MGAM2: variants seen among roughly 807,000 people sequenced by gnomAD.
MGAM2 encodes maltase-glucoamylase 2 (putative).
In MGAM2, 98 loss-of-function variants were observed where a neutral mutation model predicts 96.1. That is an observed-to-expected ratio of 1.02 (90% CI 0.87 to 1.21). MGAM2 has a LOEUF of 1.21. MGAM2 is among the 50% of genes most tolerant of loss of function. The pLI is 0.00. For missense variants in MGAM2, 2,055 were observed against 1,182.4 expected (o/e 1.74, Z -10.82); for synonymous variants, 749 against 414.8 (o/e 1.81, Z -9.79).
At chr7:142,143,556 G>A (rs955007959) in intron 12 of MGAM2, among the ~76,000 whole-genome samples, 5 of 152,088 alleles carry the variant, frequency 3.3e-5, no homozygotes, top group African/African-American at 1.2e-4. Context: ...GACTTATGGT[G>A]GCTTTTCATT....
intron 37 of MGAM2, among the ~76,000 whole-genome samples, chr7:142,193,283 G>T (rs1796929532): frequency 6.6e-6 from 1 of 152,134 alleles, no homozygotes; most frequent in South Asian, 2.1e-4. Context: ...AACCTGCTCA[G>T]ATTACTCCAT....
At chr7:142,137,284 A>G (rs935078671) in intron 8 of MGAM2, 149 bp from the exon 9 acceptor site, 4 of 451,608 alleles carry the variant, frequency 8.9e-6, no homozygotes, top group African/African-American at 8.1e-5. Context: ...ATAAACTCCA[A>G]CAACGATCCT....
intron 46 of MGAM2, among the ~76,000 whole-genome samples, chr7:142,210,579 C>T (rs556166328): frequency 4.6e-5 from 7 of 152,156 alleles, no homozygotes; most frequent in African/African-American, 1.4e-4. Flanking sequence ...CCAGGAAGTT[C>T]GAACTGGGCA....
At position 142,172,110 on chromosome 7, in the gene MGAM2, T is replaced by A. The variant is rs752360688; in HGVS notation, c.3364T>A (p.Ser1122Thr). The change falls in exon 29 of 48, where the codon TCC becomes ACC. Residue 1122 changes from serine (S) to threonine (T), a missense_variant. By Grantham distance (58) the Ser-to-Thr change is moderately conservative. Coordinates refer to ENST00000477922, the MANE Select transcript of MGAM2 (RefSeq NM_001293626.2). ...HDEPPAYKKNSYGVHPYYMAL... is the reference protein window; with the variant it reads ...HDEPPAYKKNTYGVHPYYMAL... ...TCGTGACTCCCAGTACAAGAAGAATTCCTATGGTGTCCACCCTTACTACAT... is the reference window on the plus strand; with the variant it reads ...TCGTGACTCCCAGTACAAGAAGAATACCTATGGTGTCCACCCTTACTACAT... The A allele has an allele frequency of 3.6e-5, 26 of 731,282 alleles. No individual in the cohort carries two copies. The highest frequency in any genetic ancestry group is 5.0e-6 in the Non-Finnish European group (2 of 399,160). The allele number at this position is 731,282 out of a possible 1,614,324, so 45.3% of individuals were successfully genotyped here.
At chr7:142,174,715 C>CTCTCTTTTTTT (rs1194981898) in intron 31 of MGAM2, among the ~76,000 whole-genome samples, 3 of 85,460 alleles carry the variant, frequency 3.5e-5, no homozygotes, top group African/African-American at 1.7e-4. Flanking sequence ...CTCTCTCTCT[C>CTCTCTTTTTTT]TTTTTTTTTT....
intron 15 of MGAM2, among the ~76,000 whole-genome samples, chr7:142,150,997 T>C (rs564135240): frequency 5.3e-5 from 8 of 152,232 alleles, no homozygotes; most frequent in African/African-American, 1.9e-4. Context: ...CTGGGAACTT[T>C]CCTGACAGTT....
rs1286466642 is a variant in MGAM2 at position 142,141,101 on chromosome 7, T to A, written c.1299T>A (p.Asn433Lys). ...SLKRVWILGS[N>K]GFAVGEGYPG... ...AGAGAGTGTGGATCTTGGGGAGCAA[T>A]GGCTTTGCTGTTGGGGAGGTAATTT... Residue 433 changes from asparagine (N) to lysine (K), a missense_variant, in exon 12 of 48, where the codon AAT becomes AAA. Physicochemically the swap from Asn to Lys is moderately conservative, Grantham distance 94 (BLOSUM62 0). Transcript: ENST00000477922. 2 of 685,242 alleles carry A rather than the reference T, an allele frequency of 2.9e-6. No homozygotes were observed. Among genetic ancestry groups the A allele is most frequent in the Non-Finnish European group, 2.7e-6 (1 of 377,310 alleles). The allele number at this position is 685,242 out of a possible 1,614,324, so 42.4% of individuals were successfully genotyped here.
chr7:142,215,926 T>A (rs986789256), intron 46 of MGAM2, among the ~76,000 whole-genome samples: 1 of 152,184 alleles, frequency 6.6e-6, no homozygotes, highest in African/African-American at 2.4e-5. Flanking sequence ...ATTACATATA[T>A]AGTTTCCCTT....
chr7:142,123,831 T>C (rs1038198355), intron 3 of MGAM2, among the ~76,000 whole-genome samples: 1 of 152,158 alleles, frequency 6.6e-6, no homozygotes, highest in African/African-American at 2.4e-5. Context: ...TAGTAATTCT[T>C]GCCTACTCCG....
chr7:142,155,877 G>C (rs1253774694), intron 17 of MGAM2, among the ~76,000 whole-genome samples: 2 of 152,216 alleles, frequency 1.3e-5, no homozygotes, highest in Non-Finnish European at 2.9e-5. Context: ...TGGGCACGGT[G>C]GCTCACACCT....
intron 32 of MGAM2, among the ~76,000 whole-genome samples, chr7:142,180,049 GT>G (rs1796492831): frequency 6.6e-6 from 1 of 152,012 alleles, no homozygotes; most frequent in African/African-American, 2.4e-5. Flanking sequence ...TTATTGATCT[GT>G]TTATGGTGTT....
intron 5 of MGAM2, 138 bp from the exon 6 acceptor site, chr7:142,131,793 T>G (rs1794896484): frequency 3.3e-6 from 2 of 611,318 alleles, no homozygotes; most frequent in South Asian, 3.9e-5. Context: ...TTGGGTGATT[T>G]CACAAATCAG....
rs1247352423 is a variant in MGAM2, at chr7:142,208,322, T to C, written c.5138-251T>C. The C allele has an allele frequency of 8.2e-6, 5 of 610,502 alleles. No homozygotes were observed. In the African/African-American group the frequency reaches 9.0e-5, roughly 11 times the overall value. The allele number at this position is 610,502 out of a possible 1,614,324, so 37.8% of individuals were successfully genotyped here. A position where few individuals can be genotyped will look rare whatever the true frequency, so the allele number is the denominator to read the frequency against. ...CACACTTCAGGTAATCTATCCTTTGTTCAACCCAGATTCTCTTGCATTTGT... is the reference window on the plus strand; with the variant it reads ...CACACTTCAGGTAATCTATCCTTTGCTCAACCCAGATTCTCTTGCATTTGT... On this transcript the variant is annotated intron_variant, in intron 45 of 47. Transcript: ENST00000477922.
chr7:142,198,341 G>A (rs1443764270), intron 43 of MGAM2, 146 bp downstream of exon 43: 8 of 606,056 alleles, frequency 1.3e-5, no homozygotes, highest in African/African-American at 1.3e-4. Context: ...ATGAAAGCAT[G>A]TATAAGAGCA....
Position 142,183,264 on chromosome 7 carries a change from A to G in MGAM2, c.3817-2A>G, listed in dbSNP as rs1363918942. The G allele has an allele frequency of 2.9e-6, 2 of 700,748 alleles. No individual in the cohort carries two copies. Among genetic ancestry groups the G allele is most frequent in the Non-Finnish European group, 5.2e-6 (2 of 384,268 alleles). 43.4% of individuals were successfully genotyped at this position (700,748 alleles called of 1,614,324 possible). A position where few individuals can be genotyped will look rare whatever the true frequency, so the allele number is the denominator to read the frequency against. ...TTGCTGTTTGAAATTCTTTTACTGCAGGACCCAGCCATTTCTGGCAATGAG... is the reference window on the plus strand; with the variant it reads ...TTGCTGTTTGAAATTCTTTTACTGCGGGACCCAGCCATTTCTGGCAATGAG... On this transcript the variant is annotated splice_acceptor_variant, in intron 32 of 47. Transcript: ENST00000477922. LOFTEE classifies it high-confidence loss of function.
At position 142,154,100 on chromosome 7, in the gene MGAM2, C is replaced by T. The variant is rs1187425232; in HGVS notation, c.1717C>T (p.His573Tyr). The change falls in exon 16 of 48, where the codon CAT (histidine) becomes TAT (tyrosine). Residue 573 changes from histidine to tyrosine, a missense_variant. Transcript: ENST00000477922. ...TGCTGGATCTGGCAAATTTGCTGCT[C>T]ATTGGCTGGGGGACAATGCGGCCAC... ...TFAGSGKFAA[H>Y]WLGDNAATWD... 2.9e-6 allele frequency: 2 copies of T among 695,570 alleles called. No homozygotes were observed. Among genetic ancestry groups the T allele is most frequent in the Middle Eastern group, 2.3e-4 (1 of 4,328 alleles). 43.1% of individuals were successfully genotyped at this position (695,570 alleles called of 1,614,324 possible).
At chr7:142,121,473 G>A (rs1278596079) in intron 3 of MGAM2, among the ~76,000 whole-genome samples, 5 of 152,082 alleles carry the variant, frequency 3.3e-5, no homozygotes, top group South Asian at 2.1e-4. Flanking sequence ...CACTACGCCC[G>A]GCCCATATAT....
intron 37 of MGAM2, among the ~76,000 whole-genome samples, chr7:142,191,827 T>G (rs920545285): frequency 9.9e-5 from 15 of 152,230 alleles, no homozygotes; most frequent in African/African-American, 3.6e-4. Context: ...TTAACAATAT[T>G]AAGTCTCTTT....
chr7:142,206,042 T>TA lies in MGAM2; in HGVS notation c.5138-2530dup, dbSNP rs370473023. Among the ~76,000 whole-genome samples the TA allele has an allele frequency of 2.0e-3, 303 of 152,292 alleles. 3 individuals carry two copies. Among genetic ancestry groups the TA allele is most frequent in the African/African-American group, 7.0e-3 (293 of 41,586 alleles). On this transcript the variant is annotated intron_variant, in intron 45 of 47. Transcript: ENST00000477922. Reference sequence around the variant, plus strand: ...GTCCCAGAATCATCTGTGAAAAGTCTATTATTTTTCTCATTGAATTATTTT... The same window carrying TA: ...GTCCCAGAATCATCTGTGAAAAGTCTAATTATTTTTCTCATTGAATTATTTT...
Sources: allele counts gnomAD v4.1 joint callset (sites outside exome capture counted in the v4.1 genomes callset), GRCh38; gene constraint gnomAD v4.1.1; transcripts MANE v1.5; gene names NCBI Gene and HGNC (gene_info 2026-07-23, HGNC 2026-07-21).